Variants in DIP2C observed in about 807,000 individuals in gnomAD.
DIP2C encodes disco-interacting protein 2 homolog C.
A neutral mutation model predicts 192.4 loss-of-function variants in DIP2C; 33 were observed. That is an observed-to-expected ratio of 0.17 (90% CI 0.13 to 0.23). The LOEUF is 0.23. Among genes scored for constraint, DIP2C ranks in the 10% least tolerant of loss-of-function variants. The probability of loss-of-function intolerance (pLI) is 1.00; values close to 1 mark genes in which losing one functional copy is unlikely to be tolerated. For missense variants in DIP2C, 1,537 were observed against 2,110.1 expected (o/e 0.73, Z 5.32); for synonymous variants, 979 against 864.1 (o/e 1.13, Z -2.33).
chr10:436,815 G>A (rs1967265968), intron 4 of DIP2C, among the ~76,000 whole-genome samples: 1 of 142,302 alleles, frequency 7.0e-6, no homozygotes, highest in South Asian at 2.3e-4. Flanking sequence ...GGACATGGTA[G>A]GGTGATATGC....
chr10:538,065 CAGCCACG>C (rs1564829362), intron 1 of DIP2C, among the ~76,000 whole-genome samples: 1 of 151,790 alleles, frequency 6.6e-6, no homozygotes, highest in African/African-American at 2.4e-5. Context: ...GCTGGGATAA[CAGCCACG>C]AGCCACCGTG....
intron 31 of DIP2C, among the ~76,000 whole-genome samples, chr10:312,139 C>A (rs1163484505): frequency 6.6e-6 from 1 of 152,186 alleles, no homozygotes; most frequent in Non-Finnish European, 1.5e-5. Flanking sequence ...GCTCGGCAGC[C>A]TCAGGAGGAG....
At chr10:568,418 A>T (rs17159676) in intron 1 of DIP2C, among the ~76,000 whole-genome samples, 1 of 152,148 alleles carries the variant, frequency 6.6e-6, no homozygotes, top group African/African-American at 2.4e-5. Flanking sequence ...GAATCATCCA[A>T]GATCAGTAGA....
intron 26 of DIP2C, among the ~76,000 whole-genome samples, chr10:346,471 C>T (rs1286483766): frequency 9.3e-6 from 1 of 107,038 alleles, no homozygotes. Flanking sequence ...AGACACATCG[C>T]GCATAGTTCT....
chr10:474,374 T>C (rs1456819282), intron 2 of DIP2C, among the ~76,000 whole-genome samples: 1 of 152,216 alleles, frequency 6.6e-6, no homozygotes, highest in African/African-American at 2.4e-5. Context: ...GCTTACAATG[T>C]ACCTATTGCC....
chr10:464,092 C>A (rs1183402199), intron 3 of DIP2C, among the ~76,000 whole-genome samples: 1 of 152,136 alleles, frequency 6.6e-6, no homozygotes, highest in Admixed American at 6.5e-5. Context: ...TGGCCAAAGA[C>A]TTCAATACTA....
intron 1 of DIP2C, among the ~76,000 whole-genome samples, chr10:560,153 G>A (rs1849126416): frequency 6.6e-6 from 1 of 152,098 alleles, no homozygotes; most frequent in Admixed American, 6.5e-5. Flanking sequence ...GGTGTAAAAT[G>A]AGTCAATAAA....
In DIP2C at chr10:574,324, G is replaced by A. The variant is rs186096768; in HGVS notation, c.86-87794C>T. On this transcript the variant is annotated intron_variant, in intron 1 of 36. Transcript: ENST00000280886. ...TATCTTTCCGCAATTAAATAACCAA[G>A]GATAGGAAACTGCACGGTTAGAATA... is the stretch of plus-strand genomic sequence containing the variant. Among the ~76,000 whole-genome samples, 120 of 152,246 alleles carry A rather than the reference G, an allele frequency of 7.9e-4. 1 individual carries two copies. Among genetic ancestry groups the A allele is most frequent in the Non-Finnish European group, 1.5e-3 (103 of 68,014 alleles).
At chr10:299,223 G>C (rs1955902990) in intron 32 of DIP2C, among the ~76,000 whole-genome samples, 1 of 152,190 alleles carries the variant, frequency 6.6e-6, no homozygotes, top group East Asian at 1.9e-4. Flanking sequence ...CCTGAGAATA[G>C]GAATACTATC....
At chr10:397,001 A>T (rs1964042993) in intron 10 of DIP2C, among the ~76,000 whole-genome samples, 1 of 152,222 alleles carries the variant, frequency 6.6e-6, no homozygotes, top group Admixed American at 6.5e-5. Context: ...CCTGTTTCCA[A>T]AAGGAACCCC....
intron 29 of DIP2C, among the ~76,000 whole-genome samples, chr10:335,230 C>A (rs1363140937): frequency 2.0e-5 from 3 of 152,182 alleles, no homozygotes; most frequent in Non-Finnish European, 4.4e-5. Context: ...AACTTTCAAA[C>A]AATCACAAAG....
intron 1 of DIP2C, among the ~76,000 whole-genome samples, chr10:554,985 TCA>T (rs951353289): frequency 1.3e-5 from 2 of 152,276 alleles, no homozygotes; most frequent in African/African-American, 4.8e-5. Flanking sequence ...ATATGGAGTC[TCA>T]CAGTACAGAA....
Position 336,862 on chromosome 10 carries a change from G to GGT in DIP2C, c.3584+4335_3584+4336dup, listed in dbSNP as rs1384363218. Among the ~76,000 whole-genome samples, 1,171 of 147,544 alleles carry GGT rather than the reference G, an allele frequency of 7.9e-3. 45 individuals are homozygous for GGT. Among genetic ancestry groups the GGT allele is most frequent in the Non-Finnish European group, 0.013 (874 of 66,596 alleles). On this transcript the variant is annotated intron_variant, in intron 29 of 36. Transcript: ENST00000280886. ...TGTGTGTGTTGTGGAGGCCTAGACT[G>GGT]GTGTGTGTGCGCGTGTTGTGGAGGC...
intron 1 of DIP2C, among the ~76,000 whole-genome samples, chr10:562,625 C>T (rs555519302): frequency 5.4e-4 from 83 of 152,336 alleles, no homozygotes; most frequent in South Asian, 5.0e-3. Flanking sequence ...TTAAACATTA[C>T]GTGTTAAACA....
chr10:285,287 C>T (rs759378525), intron 34 of DIP2C, among the ~76,000 whole-genome samples: 26 of 152,154 alleles, frequency 1.7e-4, no homozygotes, highest in African/African-American at 5.8e-4. Context: ...GCTGGGGATG[C>T]GTCCAGGGCT....
intron 1 of DIP2C, among the ~76,000 whole-genome samples, chr10:515,708 A>T (rs1234211176): frequency 7.8e-6 from 1 of 128,288 alleles, no homozygotes; most frequent in Non-Finnish European, 1.7e-5. Context: ...TGGGCAACAG[A>T]GTGAGACTGT....
intron 31 of DIP2C, among the ~76,000 whole-genome samples, chr10:319,908 T>C (rs191859211): frequency 6.6e-6 from 1 of 152,304 alleles, no homozygotes; most frequent in African/African-American, 2.4e-5. Context: ...TTAAAGAGCA[T>C]GGGAAGACCT....
At position 345,003 on chromosome 10, in the gene DIP2C, G is replaced by A. The variant is rs769593329; in HGVS notation, c.3339C>T (p.Asp1113=). The A allele has an allele frequency of 1.9e-6, 3 of 1,612,280 alleles. No individual in the cohort carries two copies. Among genetic ancestry groups the A allele is most frequent in the Non-Finnish European group, 2.5e-6 (3 of 1,179,564 alleles). ...TTCTGCAGCTAAAGCACCAACCTGTGTCCAGGATGAGGGGCCACGTCCTGA... is the reference window on the plus strand; with the variant it reads ...TTCTGCAGCTAAAGCACCAACCTGTATCCAGGATGAGGGGCCACGTCCTGA... ...VDVRTWPLIL[D]TDDLPKKRPA... Residue 1113 remains aspartate (D), a synonymous_variant, in exon 27 of 37, where the codon GAC becomes GAT. Coordinates refer to ENST00000280886, the MANE Select transcript of DIP2C (RefSeq NM_014974.3).
chr10:482,801 C>CA (rs1489971937), intron 2 of DIP2C, among the ~76,000 whole-genome samples: 2 of 152,174 alleles, frequency 1.3e-5, no homozygotes, highest in Admixed American at 6.5e-5. Context: ...AAGAGGCTGC[C>CA]AGGCAGTGGA....
Sources: gnomAD v4.1 joint callset for allele counts (sites outside exome capture counted in the v4.1 genomes callset) on GRCh38, gnomAD v4.1.1 for gene constraint, MANE v1.5 for transcripts, NCBI Gene and HGNC (gene_info 2026-07-23, HGNC 2026-07-21) for gene names.